Variants in DLGAP2 observed in about 807,000 individuals in gnomAD.
DLGAP2 encodes DLG associated protein 2.
Under a neutral mutation model 100.3 loss-of-function variants are expected in DLGAP2, and 26 were observed. The observed-to-expected ratio is 0.26, with a 90% CI of 0.19 to 0.36. The LOEUF (loss-of-function observed/expected upper bound fraction) is 0.36, where lower values mean the gene tolerates loss of function less well. Among genes scored for constraint, DLGAP2 ranks in the 10% least tolerant of loss-of-function variants. The pLI, the probability that DLGAP2 is intolerant of heterozygous loss-of-function variation, is 1.00. For missense variants in DLGAP2, 1,858 were observed against 1,453.2 expected, an observed-to-expected ratio of 1.28 and a Z score of -4.53; for synonymous variants, 886 against 630.1, an observed-to-expected ratio of 1.41 and a Z score of -6.08.
intron 3 of DLGAP2, among the ~76,000 whole-genome samples, chr8:1,304,571 A>C (rs1800445029): frequency 6.6e-6 from 1 of 152,208 alleles, no homozygotes; most frequent in African/African-American, 2.4e-5. Context: ...TAAAAGAAGA[A>C]AGTAGGATGA....
In DLGAP2 at chr8:1,048,074, T is replaced by G. The variant is rs193037643; in HGVS notation, c.73+140108T>G. 2.6e-5 allele frequency among the ~76,000 whole-genome samples: 4 copies of G among 152,166 alleles called. No homozygotes were observed. The East Asian group carries it at 7.7e-4, about 29-fold the overall frequency. On this transcript the variant is annotated intron_variant, in intron 2 of 14. Coordinates refer to ENST00000637795, the MANE Select transcript of DLGAP2 (RefSeq NM_001346810.2). ...CAAGTTTTGGACCAACCTGCCTGAGTCCGAATTTCCGCTGGAAAGTATTTG... is the reference window on the plus strand; with the variant it reads ...CAAGTTTTGGACCAACCTGCCTGAGGCCGAATTTCCGCTGGAAAGTATTTG...
chr8:1,373,423 C>A (rs1802300866), intron 3 of DLGAP2, among the ~76,000 whole-genome samples: 2 of 152,174 alleles, frequency 1.3e-5, no homozygotes. Context: ...TCCTGCCCGA[C>A]AAGGACGGGG....
chr8:1,547,443 A>G (rs1464996330), intron 4 of DLGAP2, among the ~76,000 whole-genome samples: 1 of 151,938 alleles, frequency 6.6e-6, no homozygotes, highest in Non-Finnish European at 1.5e-5. Flanking sequence ...GGAGGAGGCC[A>G]TCGTGATGGT....
chr8:973,474 G>A (rs1468044134), intron 2 of DLGAP2, among the ~76,000 whole-genome samples: 8 of 152,240 alleles, frequency 5.3e-5, no homozygotes, highest in South Asian at 2.1e-4. Flanking sequence ...CATCCCAGAC[G>A]GGGTGGTGGG....
chr8:1,697,425 CCTCT>C (rs1455686234), intron 14 of DLGAP2, 126 bp downstream of exon 14: 4 of 1,365,370 alleles, frequency 2.9e-6, no homozygotes, highest in Non-Finnish European at 2.0e-6. Flanking sequence ...AGCAAATTTC[CCTCT>C]ATGTATGTGT....
intron 3 of DLGAP2, among the ~76,000 whole-genome samples, chr8:1,336,389 A>T (rs1801274242): frequency 6.6e-6 from 1 of 152,196 alleles, no homozygotes; most frequent in Non-Finnish European, 1.5e-5. Flanking sequence ...GGCGAGGAGG[A>T]GGAGGAAAGG....
chr8:834,187 G>A (rs528436022), intron 1 of DLGAP2, among the ~76,000 whole-genome samples: 8 of 152,330 alleles, frequency 5.3e-5, no homozygotes, highest in South Asian at 2.1e-4. Flanking sequence ...TGGAAGAAGC[G>A]GAGGAGTAGA....
intron 2 of DLGAP2, among the ~76,000 whole-genome samples, chr8:1,054,384 G>A (rs1341869909): frequency 1.3e-5 from 2 of 152,024 alleles, no homozygotes; most frequent in Non-Finnish European, 2.9e-5. Flanking sequence ...GTATTAAATG[G>A]CTTGGACTTT....
intron 3 of DLGAP2, among the ~76,000 whole-genome samples, chr8:1,442,359 C>G (rs1282252955): frequency 3.3e-5 from 5 of 149,740 alleles, no homozygotes; most frequent in African/African-American, 1.2e-4. Flanking sequence ...ATAGACCCGC[C>G]AAGCTGCTGT....
intron 6 of DLGAP2, among the ~76,000 whole-genome samples, chr8:1,573,150 A>G (rs1338704844): frequency 7.4e-6 from 1 of 134,472 alleles, no homozygotes; most frequent in East Asian, 2.3e-4. Context: ...GAGATGGTGA[A>G]CTGGAGGGGT....
intron 2 of DLGAP2, among the ~76,000 whole-genome samples, chr8:1,003,783 C>A (rs1269745730): frequency 6.6e-6 from 1 of 152,126 alleles, no homozygotes; most frequent in Non-Finnish European, 1.5e-5. Context: ...GCACCTTGGT[C>A]CCCCCATACC....
chr8:1,663,098 A>T, intron 8 of DLGAP2, among the ~76,000 whole-genome samples: 1 of 75,026 alleles, frequency 1.3e-5, no homozygotes, highest in Admixed American at 2.2e-4. Context: ...TGTGTGGGGG[A>T]TGTGTGCCTG....
At chr8:1,539,425 G>A (rs1801275689) in intron 4 of DLGAP2, among the ~76,000 whole-genome samples, 1 of 152,126 alleles carries the variant, frequency 6.6e-6, no homozygotes, top group Non-Finnish European at 1.5e-5. Flanking sequence ...CTGTTCCTAT[G>A]ATGGACGGCT....
At chr8:1,114,241 T>A (rs1260142680) in intron 2 of DLGAP2, among the ~76,000 whole-genome samples, 1 of 152,192 alleles carries the variant, frequency 6.6e-6, no homozygotes, top group Non-Finnish European at 1.5e-5. Context: ...GTCCCTCCTT[T>A]TCAGTTTTTT....
At chr8:1,108,707 T>C (rs564290126) in intron 2 of DLGAP2, among the ~76,000 whole-genome samples, 2 of 132,794 alleles carry the variant, frequency 1.5e-5, no homozygotes, top group Admixed American at 7.8e-5. Context: ...GTCTGTGAGG[T>C]GTGCACGTGC....
chr8:1,007,447 C>T (rs1314309434), intron 2 of DLGAP2, among the ~76,000 whole-genome samples: 1 of 152,238 alleles, frequency 6.6e-6, no homozygotes, highest in African/African-American at 2.4e-5. Context: ...TTTTACCAAG[C>T]CCTTCAGGCA....
At chr8:1,380,626 A>T (rs551239868) in intron 3 of DLGAP2, among the ~76,000 whole-genome samples, 2 of 152,088 alleles carry the variant, frequency 1.3e-5, no homozygotes, top group East Asian at 3.9e-4. Context: ...ACCACATCTT[A>T]CTCCAAATTG....
chr8:1,453,390 C>T (rs1798216711), intron 3 of DLGAP2, among the ~76,000 whole-genome samples: 1 of 152,126 alleles, frequency 6.6e-6, no homozygotes, highest in Non-Finnish European at 1.5e-5. Context: ...AGAAAGACAG[C>T]CCATAATGAA....
intron 2 of DLGAP2, among the ~76,000 whole-genome samples, chr8:955,726 C>G (rs373628490): frequency 6.6e-6 from 1 of 152,180 alleles, no homozygotes; most frequent in South Asian, 2.1e-4. Context: ...AAAAGTCTTA[C>G]ATGAATTTTA....
Sources: gnomAD v4.1 joint callset for allele counts (sites outside exome capture counted in the v4.1 genomes callset) on GRCh38, gnomAD v4.1.1 for gene constraint, MANE v1.5 for transcripts, NCBI Gene and HGNC (gene_info 2026-07-23, HGNC 2026-07-21) for gene names.